Variants in CRYBG3 observed in about 807,000 individuals in gnomAD.
CRYBG3 encodes very large A-kinase anchor protein.
A neutral mutation model predicts 244.2 loss-of-function variants in CRYBG3; 127 were observed. The ratio of observed to expected loss-of-function variants is 0.52; its 90% CI spans 0.45 to 0.60. The LOEUF (loss-of-function observed/expected upper bound fraction) is 0.60, where lower values mean the gene tolerates loss of function less well. Among genes scored for constraint, CRYBG3 ranks in the 20% least tolerant of loss-of-function variants. CRYBG3 has a pLI of 0.00. For synonymous variants in CRYBG3, 1,132 were observed against 1,195.8 expected, an observed-to-expected ratio of 0.95 and a Z score of 1.10; for missense variants, 3,325 against 3,442.5, an observed-to-expected ratio of 0.97 and a Z score of 0.85.
chr3:97,925,076 G>A (rs1156547569), intron 17 of CRYBG3, among the ~76,000 whole-genome samples: 2 of 152,144 alleles, frequency 1.3e-5, no homozygotes, highest in Non-Finnish European at 1.5e-5. Context: ...TGGGAGGACT[G>A]CTTGAGTTCA....
chr3:97,826,621 G>C (rs2038580717), intron 1 of CRYBG3, among the ~76,000 whole-genome samples: 1 of 152,158 alleles, frequency 6.6e-6, no homozygotes. Context: ...AAATAATCTA[G>C]GCTATATGCT....
rs1458409160 is a variant in CRYBG3 at position 97,879,710 on chromosome 3, G to A, written c.6850G>A (p.Asp2284Asn). Residue 2284 changes from aspartate to asparagine, a missense_variant, in exon 5 of 22, where the codon GAC (aspartate) becomes AAC (asparagine). By Grantham distance (23) the Asp-to-Asn change is conservative. Coordinates refer to ENST00000389622, the MANE Select transcript of CRYBG3 (RefSeq NM_153605.4). ...GRLSPFIENV[D>N]KQTLRCNPRP... The stretch of plus-strand genomic sequence containing the variant: ...TCCACTTTTATTATTTCAGAATGTT[G>A]ACAAACAAACTCTGAGATGTAACCC... 3.1e-6 allele frequency: 5 copies of A among 1,600,230 alleles called. No individual in the cohort carries two copies. Among genetic ancestry groups the A allele is most frequent in the Non-Finnish European group, 4.3e-6 (5 of 1,173,750 alleles).
chr3:97,893,114 T>A, intron 11 of CRYBG3, 121 bp downstream of exon 11: 1 of 840,316 alleles, frequency 1.2e-6, no homozygotes, highest in Non-Finnish European at 1.9e-6. Context: ...CCTTCTGTAA[T>A]ATGGAAAGTA....
At chr3:97,923,280 A>G (rs560388328) in intron 17 of CRYBG3, among the ~76,000 whole-genome samples, 20 of 152,168 alleles carry the variant, frequency 1.3e-4, no homozygotes, top group Non-Finnish European at 2.2e-4. Flanking sequence ...TGACACATGT[A>G]TACATATGTA....
At chr3:97,839,640 T>C (rs1278511217) in intron 1 of CRYBG3, among the ~76,000 whole-genome samples, 1 of 152,062 alleles carries the variant, frequency 6.6e-6, no homozygotes, top group Non-Finnish European at 1.5e-5. Flanking sequence ...AATGGAAATA[T>C]GGTTATAGAT....
intron 2 of CRYBG3, among the ~76,000 whole-genome samples, chr3:97,863,399 T>G (rs933127712): frequency 3.9e-5 from 6 of 152,166 alleles, no homozygotes; most frequent in Non-Finnish European, 7.4e-5. Flanking sequence ...TGAGTTTGCT[T>G]TACCAGTAAC....
intron 15 of CRYBG3, among the ~76,000 whole-genome samples, chr3:97,907,646 TATTA>T (rs1352283933): frequency 6.7e-6 from 1 of 149,308 alleles, no homozygotes; most frequent in Admixed American, 6.7e-5. Context: ...TTTTTTTCTT[TATTA>T]GTCTTGCTAG....
intron 8 of CRYBG3, 111 bp downstream of exon 8, chr3:97,886,878 C>T: frequency 3.3e-6 from 3 of 908,236 alleles, no homozygotes; most frequent in Non-Finnish European, 4.9e-6. Context: ...CTCTCAGTCA[C>T]CCAAGAAAGA....
intron 17 of CRYBG3, among the ~76,000 whole-genome samples, chr3:97,919,573 C>T (rs1481648833): frequency 6.6e-6 from 1 of 151,938 alleles, no homozygotes; most frequent in Non-Finnish European, 1.5e-5. Context: ...GATTGCTTAA[C>T]AGTGATTACA....
At chr3:97,919,714 T>TAAAA (rs3058034) in intron 17 of CRYBG3, among the ~76,000 whole-genome samples, 1 of 127,068 alleles carries the variant, frequency 7.9e-6, no homozygotes, top group Non-Finnish European at 1.7e-5. Flanking sequence ...ATAAAATGAT[T>TAAAA]AAAAAAAAAA....
chr3:97,922,868 G>T (rs2039997608), intron 17 of CRYBG3, among the ~76,000 whole-genome samples: 1 of 152,182 alleles, frequency 6.6e-6, no homozygotes, highest in Middle Eastern at 3.4e-3. Flanking sequence ...AAATCATGCT[G>T]CTATAAAGAC....
intron 17 of CRYBG3, among the ~76,000 whole-genome samples, chr3:97,930,957 C>T (rs2040091056): frequency 6.6e-6 from 1 of 151,948 alleles, no homozygotes; most frequent in Admixed American, 6.6e-5. Flanking sequence ...GATCTTTTTC[C>T]TCATGAACTG....
intron 10 of CRYBG3, among the ~76,000 whole-genome samples, chr3:97,891,896 T>G (rs935345279): frequency 4.6e-5 from 7 of 152,188 alleles, no homozygotes; most frequent in Non-Finnish European, 8.8e-5. Flanking sequence ...CAAAACACTT[T>G]CATAATAAAC....
At chr3:97,915,475 T>G in intron 16 of CRYBG3, 135 bp from the exon 17 acceptor site, 1 of 811,058 alleles carries the variant, frequency 1.2e-6, no homozygotes, top group Non-Finnish European at 1.8e-6. Context: ...GTTTTTTGTT[T>G]TTTTAAAGCT....
chr3:97,844,378 T>C (rs2038868389), intron 2 of CRYBG3, among the ~76,000 whole-genome samples: 1 of 152,178 alleles, frequency 6.6e-6, no homozygotes, highest in African/African-American at 2.4e-5. Flanking sequence ...TTTACATGCC[T>C]TGAGTTGCCC....
At chr3:97,871,168 C>T (rs2039297826) in intron 3 of CRYBG3, among the ~76,000 whole-genome samples, 1 of 152,126 alleles carries the variant, frequency 6.6e-6, no homozygotes, top group African/African-American at 2.4e-5. Flanking sequence ...GGTTAGATTT[C>T]TATACTTACT....
intron 17 of CRYBG3, among the ~76,000 whole-genome samples, chr3:97,925,420 A>G (rs1463769189): frequency 6.6e-6 from 1 of 152,110 alleles, no homozygotes; most frequent in East Asian, 1.9e-4. Flanking sequence ...GTTAATTACA[A>G]TGGTGGGGGG....
In CRYBG3 at chr3:97,872,329, G is replaced by T. The variant is rs947321238; in HGVS notation, c.1135G>T (p.Val379Leu). The T allele has an allele frequency of 3.9e-6, 6 of 1,535,802 alleles. No homozygotes were observed. Among genetic ancestry groups the T allele is most frequent in the Non-Finnish European group, 4.4e-6 (5 of 1,146,814 alleles). Residue 379 changes from valine (V) to leucine (L), a missense_variant, in exon 4 of 22, where the codon GTA becomes TTA. Val to Leu is a conservative substitution (Grantham distance 32, BLOSUM62 1). This residue lies in a region of CRYBG3 where 1,526 missense variants were observed against 1,443.2 expected (regional missense o/e 1.06). Coordinates refer to ENST00000389622, the MANE Select transcript of CRYBG3 (RefSeq NM_153605.4). The part of the protein sequence containing the change: ...EPVSQTNRNL[V>L]CSALLTGSNH... ...GGTTTCTCAGACTAACAGAAATTTGGTATGTTCAGCATTGTTAACAGGAAG... is the reference window on the plus strand; with the variant it reads ...GGTTTCTCAGACTAACAGAAATTTGTTATGTTCAGCATTGTTAACAGGAAG...
chr3:97,877,682 T>G lies in CRYBG3; in HGVS notation c.6488T>G (p.Leu2163Arg). The G allele has an allele frequency of 1.2e-6, 2 of 1,614,078 alleles. No homozygotes were observed. Among genetic ancestry groups the G allele is most frequent in the South Asian group, 1.1e-5 (1 of 91,078 alleles). ...GCAGCAGTATTGCATAAAGGAGATCTGAGAGCTGGAAGTGGGGAGCGTGTT... is the reference window on the plus strand; with the variant it reads ...GCAGCAGTATTGCATAAAGGAGATCGGAGAGCTGGAAGTGGGGAGCGTGTT... ...EEAAVLHKGD[L>R]RAGSGERVTF... The change falls in exon 4 of 22, where the codon CTG becomes CGG. Residue 2163 changes from leucine (L) to arginine (R), a missense_variant. By Grantham distance (102) the Leu-to-Arg change is moderately radical (BLOSUM62 -2). Around this residue, in one of 4 missense-constraint regions of CRYBG3, gnomAD observed 450 missense variants for 424.1 expected, o/e 1.06. Coordinates refer to ENST00000389622, the MANE Select transcript of CRYBG3 (RefSeq NM_153605.4).
Sources: gnomAD v4.1 joint callset for allele counts (sites outside exome capture counted in the v4.1 genomes callset) on GRCh38, gnomAD v4.1.1 for gene constraint, gnomAD v4.1.1 regional missense constraint, MANE v1.5 for transcripts, NCBI Gene and HGNC (gene_info 2026-07-23, HGNC 2026-07-21) for gene names.